PLEKHB2: variants seen among roughly 807,000 people sequenced by gnomAD.
The protein encoded by PLEKHB2 is pleckstrin homology domain containing B2, also known as pleckstrin homology domain-containing family B member 2.
In PLEKHB2, 31 loss-of-function variants were observed where a neutral mutation model predicts 36.5. The ratio of observed to expected loss-of-function variants is 0.85; its 90% CI spans 0.64 to 1.15. The LOEUF is 1.15. Among genes scored for constraint, PLEKHB2 ranks in the 50% most tolerant of loss-of-function variants. The pLI is 0.00. For synonymous variants in PLEKHB2, 119 were observed against 112.0 expected, an observed-to-expected ratio of 1.06 and a Z score of -0.39; for missense variants, 262 against 295.3, an observed-to-expected ratio of 0.89 and a Z score of 0.83.
intron 2 of PLEKHB2, among the ~76,000 whole-genome samples, chr2:131,121,927 T>TTTA (rs1380681135): frequency 4.7e-5 from 7 of 148,702 alleles, no homozygotes; most frequent in African/African-American, 1.8e-4. Context: ...TTATTTATTT[T>TTTA]TTGAGATGGA....
intron 1 of PLEKHB2, among the ~76,000 whole-genome samples, chr2:131,112,648 AT>A (rs985419081): frequency 7.5e-4 from 114 of 152,268 alleles, no homozygotes; most frequent in African/African-American, 2.6e-3. Flanking sequence ...AACATAAACT[AT>A]TGGTTGGCTG....
chr2:131,142,709 CCA>C (rs1242450034), intron 7 of PLEKHB2, among the ~76,000 whole-genome samples: 1 of 151,880 alleles, frequency 6.6e-6, no homozygotes, highest in African/African-American at 2.4e-5. Flanking sequence ...GTAGCATGTG[CCA>C]CCACACCTGG....
rs1699354873 is a variant in PLEKHB2 at position 131,147,091 on chromosome 2, G to C, written c.*318G>C. 1 of 196,740 alleles carries C rather than the reference G, an allele frequency of 5.1e-6. No individual in the cohort carries two copies. Among genetic ancestry groups the C allele is most frequent in the Non-Finnish European group, 1.0e-5 (1 of 98,078 alleles). The allele number at this position is 196,740 out of a possible 1,614,324, so 12.2% of individuals were successfully genotyped here. Reference sequence around the variant, plus strand: ...TTAGAGTTAGGTGTAGTGCTTAAGGGTTAATTTATTTTCATGTTATGCCAG... The same window carrying C: ...TTAGAGTTAGGTGTAGTGCTTAAGGCTTAATTTATTTTCATGTTATGCCAG... On this transcript the variant is annotated 3_prime_UTR_variant, in exon 8 of 8. Coordinates refer to ENST00000693505, the MANE Select transcript of PLEKHB2 (RefSeq NM_001100623.2).
In PLEKHB2 at chr2:131,132,847, G is replaced by A. The variant is rs768660801; in HGVS notation, c.334-55G>A. ...AATAAAAGGGACAATGCACAGCATC[G>A]AGCACACAGCTGCTGGGAAGCTGTC... On this transcript the variant is annotated intron_variant, in intron 5 of 7. Transcript: ENST00000693505. 16 of 964,610 alleles carry A rather than the reference G, an allele frequency of 1.7e-5. No individual in the cohort carries two copies. The Admixed American group carries it at 2.0e-4, about 12-fold the overall frequency. 59.8% of individuals were successfully genotyped at this position (964,610 alleles called of 1,614,324 possible).
chr2:131,116,634 C>T (rs192867680), intron 1 of PLEKHB2, among the ~76,000 whole-genome samples: 57 of 152,270 alleles, frequency 3.7e-4, no homozygotes, highest in Admixed American at 3.7e-3. Context: ...GGGATAGTTG[C>T]CACCGTGATC....
intron 2 of PLEKHB2, among the ~76,000 whole-genome samples, chr2:131,121,592 C>T (rs1053881728): frequency 3.3e-5 from 5 of 152,146 alleles, no homozygotes; most frequent in Admixed American, 2.0e-4. Context: ...CTGGATCTAA[C>T]TGAGCCCAGC....
At chr2:131,140,607 T>A (rs1435294242) in intron 7 of PLEKHB2, among the ~76,000 whole-genome samples, 2 of 152,248 alleles carry the variant, frequency 1.3e-5, no homozygotes, top group Non-Finnish European at 2.9e-5. Context: ...TCAGCTGTTC[T>A]CCTTCTGGTG....
rs1247129468 is a variant in PLEKHB2, at chr2:131,147,918, A to G, written c.*1145A>G. On this transcript the variant is annotated 3_prime_UTR_variant, in exon 8 of 8. Transcript: ENST00000693505. ...GTCTGCCTAAGCCTCCTTATAGCCT[A>G]TTTTTCTACTTGCTGAGAGAGTAAT... 2.6e-5 allele frequency: 4 copies of G among 152,184 alleles called. No homozygotes were observed. Among genetic ancestry groups the G allele is most frequent in the East Asian group, 3.9e-4 (2 of 5,176 alleles). 9.4% of individuals were successfully genotyped at this position (152,184 alleles called of 1,614,324 possible).
rs548588764 is a variant in PLEKHB2, at chr2:131,126,960, C to T, written c.293+174C>T. ...GCTTTTCCAATTCTAGTTTCTGCCTCTCTCAGACTGCCTAGGCCGATCCCA... is the reference window on the plus strand; with the variant it reads ...GCTTTTCCAATTCTAGTTTCTGCCTTTCTCAGACTGCCTAGGCCGATCCCA... On this transcript the variant is annotated intron_variant, in intron 4 of 7. Coordinates refer to ENST00000693505, the MANE Select transcript of PLEKHB2 (RefSeq NM_001100623.2). 11 of 579,360 alleles carry T rather than the reference C, an allele frequency of 1.9e-5. No individual in the cohort carries two copies. The South Asian group carries it at 2.3e-4, about 12-fold the overall frequency. 35.9% of individuals were successfully genotyped at this position (579,360 alleles called of 1,614,324 possible). A position where few individuals can be genotyped will look rare whatever the true frequency, so the allele number is the denominator to read the frequency against.
intron 2 of PLEKHB2, among the ~76,000 whole-genome samples, chr2:131,124,849 G>A (rs1270746503): frequency 4.6e-5 from 7 of 151,640 alleles, no homozygotes; most frequent in Admixed American, 3.9e-4. Context: ...GCAGTGGTGC[G>A]ATCTTGGCTC....
intron 6 of PLEKHB2, among the ~76,000 whole-genome samples, chr2:131,138,957 C>T (rs1239526444): frequency 1.3e-5 from 2 of 152,168 alleles, no homozygotes; most frequent in Non-Finnish European, 2.9e-5. Flanking sequence ...GTTCTGAAGG[C>T]CCGGCAGTGC....
chr2:131,118,396 G>A (rs1234885323), intron 1 of PLEKHB2, among the ~76,000 whole-genome samples: 1 of 152,180 alleles, frequency 6.6e-6, no homozygotes, highest in African/African-American at 2.4e-5. Flanking sequence ...AGATGCCGGA[G>A]TATGGGGTGA....
chr2:131,132,900 A>C lies in PLEKHB2; in HGVS notation c.334-2A>C, dbSNP rs1456445457. ...GTCCTCACCCTCTCCTGTCTCCCGC[A>C]GGCGTATGTGGGCTCTGCAGTCATG... On this transcript the variant is annotated splice_acceptor_variant, in intron 5 of 7. Transcript: ENST00000693505. LOFTEE classifies it high-confidence loss of function. The C allele has an allele frequency of 2.5e-6, 4 of 1,593,098 alleles. No homozygotes were observed. In the Admixed American group the frequency reaches 6.7e-5, roughly 27 times the overall value.
At chr2:131,128,215 G>A (rs1452136058) in intron 4 of PLEKHB2, among the ~76,000 whole-genome samples, 2 of 152,182 alleles carry the variant, frequency 1.3e-5, no homozygotes, top group Admixed American at 6.6e-5. Context: ...GGTAGGAAGC[G>A]TGTCAAGGAG....
At chr2:131,108,753 AT>A (rs1444032556) in intron 1 of PLEKHB2, among the ~76,000 whole-genome samples, 1 of 152,216 alleles carries the variant, frequency 6.6e-6, no homozygotes, top group Admixed American at 6.5e-5. Context: ...TTTTCGGCAA[AT>A]TTTGGTAAGG....
At chr2:131,142,222 A>G (rs1698860451) in intron 7 of PLEKHB2, among the ~76,000 whole-genome samples, 1 of 152,328 alleles carries the variant, frequency 6.6e-6, no homozygotes. Flanking sequence ...CCAGAGGGGA[A>G]TCCATTCTTT....
At chr2:131,140,469 G>A (rs980655289) in intron 7 of PLEKHB2, among the ~76,000 whole-genome samples, 194 bp downstream of exon 7, 3 of 152,324 alleles carry the variant, frequency 2.0e-5, no homozygotes, top group Admixed American at 2.0e-4. Flanking sequence ...GCTACCGTAG[G>A]CTTGATTTTT....
chr2:131,126,499 T>C (rs1210790069), intron 3 of PLEKHB2, among the ~76,000 whole-genome samples, 185 bp from the exon 4 acceptor site: 1 of 152,194 alleles, frequency 6.6e-6, no homozygotes, highest in Non-Finnish European at 1.5e-5. Flanking sequence ...GACGTCATCT[T>C]GGCAGCTGGT....
chr2:131,118,371 CG>C (rs1559058823), intron 1 of PLEKHB2, among the ~76,000 whole-genome samples: 1 of 152,066 alleles, frequency 6.6e-6, no homozygotes, highest in Admixed American at 6.6e-5. Flanking sequence ...GAAGCTTCAG[CG>C]TGCATGATTT....
Sources: allele counts gnomAD v4.1 joint callset (sites outside exome capture counted in the v4.1 genomes callset), GRCh38; gene constraint gnomAD v4.1.1; transcripts MANE v1.5; gene names NCBI Gene and HGNC (gene_info 2026-07-23, HGNC 2026-07-21).